FAR2: variants seen among roughly 807,000 people sequenced by gnomAD.
FAR2 encodes epididymis secretory protein Li 81.
A neutral mutation model predicts 56.0 loss-of-function variants in FAR2; 19 were observed. The ratio of observed to expected loss-of-function variants is 0.34; its 90% CI spans 0.24 to 0.50. FAR2 has a LOEUF of 0.50. FAR2 is among the 20% of genes least tolerant of loss of function. The pLI is 0.98. For missense variants in FAR2, 508 were observed against 642.2 expected, an observed-to-expected ratio of 0.79 and a Z score of 2.26; for synonymous variants, 219 against 218.8, an observed-to-expected ratio of 1.00 and a Z score of -0.01.
intron 1 of FAR2, among the ~76,000 whole-genome samples, chr12:29,167,688 G>A (rs1949842088): frequency 1.3e-5 from 2 of 152,144 alleles, no homozygotes; most frequent in South Asian, 4.1e-4. Flanking sequence ...ATTAAGTAAT[G>A]CCTCCACGGA....
intron 1 of FAR2, among the ~76,000 whole-genome samples, chr12:29,266,361 A>G (rs1308587345): frequency 1.3e-5 from 2 of 152,176 alleles, no homozygotes; most frequent in Non-Finnish European, 2.9e-5. Flanking sequence ...TTGCAACAAT[A>G]TAGATGGAGG....
intron 1 of FAR2, among the ~76,000 whole-genome samples, chr12:29,225,727 T>C (rs549668738): frequency 6.6e-6 from 1 of 152,294 alleles, no homozygotes. Context: ...ATGAAGAGAA[T>C]GATTTTCTGT....
At chr12:29,180,662 A>G (rs1042884488) in intron 1 of FAR2, among the ~76,000 whole-genome samples, 1 of 152,172 alleles carries the variant, frequency 6.6e-6, no homozygotes, top group Non-Finnish European at 1.5e-5. Flanking sequence ...TGGTCTGGGG[A>G]ATCTTTTCTC....
chr12:29,317,415 T>C (rs1285411543), intron 9 of FAR2, among the ~76,000 whole-genome samples: 2 of 152,206 alleles, frequency 1.3e-5, no homozygotes, highest in Middle Eastern at 3.2e-3. Context: ...ATTACATATA[T>C]GCAAATATTC....
At chr12:29,200,268 A>G (rs1357532845) in intron 1 of FAR2, among the ~76,000 whole-genome samples, 2 of 152,350 alleles carry the variant, frequency 1.3e-5, no homozygotes, top group South Asian at 2.1e-4. Flanking sequence ...TGGGCAGTAC[A>G]CAGCCTCCCC....
chr12:29,193,520 T>G (rs1950119694), intron 1 of FAR2, among the ~76,000 whole-genome samples: 1 of 152,226 alleles, frequency 6.6e-6, no homozygotes, highest in African/African-American at 2.4e-5. Flanking sequence ...TCAGAATGGC[T>G]TCTTTCACTC....
chr12:29,276,618 A>C (rs1478220726), intron 2 of FAR2, among the ~76,000 whole-genome samples: 2 of 152,228 alleles, frequency 1.3e-5, no homozygotes, highest in Non-Finnish European at 2.9e-5. Flanking sequence ...TATGCTTCAG[A>C]ATATAAGAAT....
At position 29,264,848 on chromosome 12, in the gene FAR2, C is replaced by A. The variant is rs75539859; in HGVS notation, c.-38-5564C>A. Among the ~76,000 whole-genome samples the A allele has an allele frequency of 7.2e-3, 1,089 of 151,496 alleles. 2 individuals are homozygous for A. The highest frequency in any genetic ancestry group is 0.012 in the Non-Finnish European group (826 of 67,846). On this transcript the variant is annotated intron_variant, in intron 1 of 11. Transcript: ENST00000536681. The stretch of plus-strand genomic sequence containing the variant: ...GTAAAGTTGCAAGATACCAAGTCAA[C>A]ATATAAAAATCAGTAGTATTTCTAT...
At chr12:29,194,560 C>CACACACA (rs71042963) in intron 1 of FAR2, among the ~76,000 whole-genome samples, 1 of 144,980 alleles carries the variant, frequency 6.9e-6, no homozygotes, top group South Asian at 2.3e-4. Flanking sequence ...CACACACACA[C>CACACACA]CACAGGAGGG....
chr12:29,302,836 G>A (rs1949198716), intron 4 of FAR2, among the ~76,000 whole-genome samples: 1 of 152,068 alleles, frequency 6.6e-6, no homozygotes, highest in Non-Finnish European at 1.5e-5. Flanking sequence ...GAGTAGTATG[G>A]AAGACTAGAA....
intron 1 of FAR2, among the ~76,000 whole-genome samples, chr12:29,237,684 C>G (rs1947962294): frequency 1.3e-5 from 2 of 152,098 alleles, no homozygotes; most frequent in Admixed American, 6.6e-5. Context: ...TTGTTCAGAT[C>G]TGGGTATTTG....
rs1949544724 is a variant in FAR2, at chr12:29,321,149, TACAGTCAAC to T, written c.1128-643_1128-635del. On this transcript the variant is annotated intron_variant, in intron 9 of 11. Coordinates refer to ENST00000536681, the MANE Select transcript of FAR2 (RefSeq NM_001271783.2). ...CTGCTTTTGATTCAACAAACACTAA[TACAGTCAAC>T]ACTTCTGCCCAAAAGTTACATACTA... 2.6e-5 allele frequency among the ~76,000 whole-genome samples: 4 copies of T among 151,868 alleles called. No individual in the cohort carries two copies. The South Asian group carries it at 8.4e-4, about 32-fold the overall frequency.
Position 29,317,027 on chromosome 12 carries a change from C to A in FAR2, c.1127+15C>A. On this transcript the variant is annotated intron_variant, in intron 9 of 11. Coordinates refer to ENST00000536681, the MANE Select transcript of FAR2 (RefSeq NM_001271783.2). ...AGGAAGCCCAGGTGAGAAGCTGAGT[C>A]AATGGCTTTGAGAGTGTCACTGCAT... 2 of 1,608,158 alleles carry A rather than the reference C, an allele frequency of 1.2e-6. No individual in the cohort carries two copies. Among genetic ancestry groups the A allele is most frequent in the South Asian group, 2.2e-5 (2 of 90,720 alleles).
intron 1 of FAR2, chr12:29,171,983 G>A (rs966151632): frequency 2.0e-5 from 3 of 151,722 alleles, no homozygotes; most frequent in African/African-American, 7.3e-5. Context: ...TCTGGGAAGT[G>A]AGGAGCGCCT....
chr12:29,318,829 T>C (rs1949500850), intron 9 of FAR2, among the ~76,000 whole-genome samples: 1 of 152,172 alleles, frequency 6.6e-6, no homozygotes, highest in Non-Finnish European at 1.5e-5. Context: ...CTTTGTAGAA[T>C]GTGCCTGTGT....
At chr12:29,237,147 C>T (rs1240728561) in intron 1 of FAR2, among the ~76,000 whole-genome samples, 1 of 152,058 alleles carries the variant, frequency 6.6e-6, no homozygotes, top group Admixed American at 6.6e-5. Context: ...TTAGATTCCC[C>T]TTGAGTTAAG....
At chr12:29,220,386 A>C (rs1591862371) in intron 1 of FAR2, among the ~76,000 whole-genome samples, 1 of 152,314 alleles carries the variant, frequency 6.6e-6, no homozygotes, top group Non-Finnish European at 1.5e-5. Context: ...GCATATAGGA[A>C]AGATTTTAAT....
chr12:29,246,891 A>G lies in FAR2; in HGVS notation c.-38-23521A>G, dbSNP rs529618857. Among the ~76,000 whole-genome samples the G allele has an allele frequency of 2.0e-5, 3 of 150,490 alleles. No individual in the cohort carries two copies. In the East Asian group the frequency reaches 5.9e-4, roughly 29 times the overall value. The stretch of plus-strand genomic sequence containing the variant: ...TTCTTCTAACATGGAACAAGTTCCT[A>G]TGGAGACAATTTTGGTAGGGAAATT... On this transcript the variant is annotated intron_variant, in intron 1 of 11. Transcript: ENST00000536681.
rs374515951 is a variant in FAR2, at chr12:29,215,637, C to G, written c.-38-54775C>G. Reference sequence around the variant, plus strand: ...TCTTTGAGGATGTCTGTAATAGCTTCATATTAACAAAATCTTAACTTTGAG... The same window carrying G: ...TCTTTGAGGATGTCTGTAATAGCTTGATATTAACAAAATCTTAACTTTGAG... On this transcript the variant is annotated intron_variant, in intron 1 of 11. Coordinates refer to ENST00000536681, the MANE Select transcript of FAR2 (RefSeq NM_001271783.2). Among the ~76,000 whole-genome samples, 5 of 152,300 alleles carry G rather than the reference C, an allele frequency of 3.3e-5. No individual in the cohort carries two copies. In the East Asian group the frequency reaches 7.7e-4, roughly 23 times the overall value.
Sources: gnomAD v4.1 joint callset for allele counts (sites outside exome capture counted in the v4.1 genomes callset) on GRCh38, gnomAD v4.1.1 for gene constraint, MANE v1.5 for transcripts, NCBI Gene and HGNC (gene_info 2026-07-23, HGNC 2026-07-21) for gene names.